The following TTBK1 variants were observed in gnomAD, a reference collection of about 807,000 sequenced individuals.
TTBK1 encodes the protein tau tubulin kinase 1.
Under a neutral mutation model 108.5 loss-of-function variants are expected in TTBK1, and 34 were observed. That is an observed-to-expected ratio of 0.31 (90% CI 0.24 to 0.42). TTBK1 has a LOEUF of 0.42. Among genes scored for constraint, TTBK1 ranks in the 10% least tolerant of loss-of-function variants. The probability of loss-of-function intolerance (pLI) is 1.00; values close to 1 mark genes in which losing one functional copy is unlikely to be tolerated. For missense variants in TTBK1, 1,539 were observed against 1,826.0 expected, an observed-to-expected ratio of 0.84 and a Z score of 2.86; for synonymous variants, 809 against 795.1, an observed-to-expected ratio of 1.02 and a Z score of -0.29.
At chr6:43,279,811 C>A (rs947331868) in intron 13 of TTBK1, among the ~76,000 whole-genome samples, 1 of 151,994 alleles carries the variant, frequency 6.6e-6, no homozygotes, top group East Asian at 1.9e-4. Flanking sequence ...CGTTCTGTTG[C>A]CCAGGCTGGA....
chr6:43,245,089 C>A (rs568519631), intron 1 of TTBK1, among the ~76,000 whole-genome samples: 233 of 152,294 alleles, frequency 1.5e-3, no homozygotes, highest in Middle Eastern at 6.8e-3. Context: ...CATGGCCCAT[C>A]ATGAATTAGA....
At chr6:43,272,068 C>T in intron 13 of TTBK1, 1 of 985,512 alleles carries the variant, frequency 1.0e-6, no homozygotes, top group Non-Finnish European at 1.2e-6. Context: ...CCCCACTCCC[C>T]TCCTGCTGGC....
Position 43,259,319 on chromosome 6 carries a change from G to A in TTBK1, c.1248+50G>A, listed in dbSNP as rs757816058. On this transcript the variant is annotated intron_variant, in intron 11 of 14. Coordinates refer to ENST00000259750, the MANE Select transcript of TTBK1 (RefSeq NM_032538.3). The surrounding 1 kb of genome is among the most constrained non-coding windows in gnomAD (Gnocchi z 6.7). ...GTGGGTGGCCTTTTCTCTCACCCCCGATTCCCAGCCTTGTGCCCCTGCCCT... is the reference window on the plus strand; with the variant it reads ...GTGGGTGGCCTTTTCTCTCACCCCCAATTCCCAGCCTTGTGCCCCTGCCCT... 7.8e-5 allele frequency: 114 copies of A among 1,460,202 alleles called. No individual in the cohort carries two copies. Among genetic ancestry groups the A allele is most frequent in the African/African-American group, 7.1e-4 (50 of 70,662 alleles). 90.5% of individuals were successfully genotyped at this position (1,460,202 alleles called of 1,614,324 possible).
Position 43,253,202 on chromosome 6 carries a change from G to A in TTBK1, c.257-89G>A. 2 of 1,419,288 alleles carry A rather than the reference G, an allele frequency of 1.4e-6. No homozygotes were observed. The highest frequency in any genetic ancestry group is 2.0e-6 in the Non-Finnish European group (2 of 1,004,362). 87.9% of individuals were successfully genotyped at this position (1,419,288 alleles called of 1,614,324 possible). On this transcript the variant is annotated intron_variant, in intron 3 of 14. Transcript: ENST00000259750. This position sits in a 1 kb window ranked among gnomAD's most constrained non-coding sequence, Gnocchi z 5.8. ...CACAGGGCCAGCACTGGAGGGACCA[G>A]GAATCAAGAGTGCACTAGGAACCCA...
intron 13 of TTBK1, among the ~76,000 whole-genome samples, chr6:43,264,607 A>AG (rs1169737054): frequency 6.6e-6 from 1 of 152,114 alleles, no homozygotes; most frequent in Non-Finnish European, 1.5e-5. Flanking sequence ...AGGGGGAATG[A>AG]GAGGAGAAGG....
At chr6:43,284,384 G>GAACCAAGGTGAGGGGCTTCTCCAT in intron 14 of TTBK1, 72 bp downstream of exon 14, 2 of 1,477,088 alleles carry the variant, frequency 1.4e-6, no homozygotes, top group Non-Finnish European at 8.9e-7. Flanking sequence ...GGCTTCTCCA[G>GAACCAAGGTGAGGGGCTTCTCCAT]AACCAAGGTC....
Position 43,271,012 on chromosome 6 carries a change from G to C in TTBK1, c.1986+7662G>C, listed in dbSNP as rs1406474558. The stretch of plus-strand genomic sequence containing the variant: ...GATCTGGACACTTGGGAGTGGGGAA[G>C]TGTCAGGATGCCAGCTTGCGCCTGC... On this transcript the variant is annotated intron_variant, in intron 13 of 14. Coordinates refer to ENST00000259750, the MANE Select transcript of TTBK1 (RefSeq NM_032538.3). 7.1e-6 allele frequency: 7 copies of C among 985,352 alleles called. No homozygotes were observed. In the South Asian group the frequency reaches 2.3e-4, roughly 33 times the overall value. 61.0% of individuals were successfully genotyped at this position (985,352 alleles called of 1,614,324 possible). A position where few individuals can be genotyped will look rare whatever the true frequency, so the allele number is the denominator to read the frequency against.
intron 10 of TTBK1, among the ~76,000 whole-genome samples, chr6:43,258,764 C>G (rs994963763): frequency 2.0e-5 from 3 of 152,242 alleles, no homozygotes; most frequent in Non-Finnish European, 2.9e-5. Flanking sequence ...CAATGGAAAT[C>G]TGGCAGGTCC....
chr6:43,253,350 G>A lies in TTBK1; in HGVS notation c.316G>A (p.Val106Met), dbSNP rs751070642. Residue 106 changes from valine (V) to methionine (M), a missense_variant, in exon 4 of 15, where the codon GTG becomes ATG. This residue lies in a region of TTBK1 where 155 missense variants were observed against 348.5 expected (regional missense o/e 0.44). Transcript: ENST00000259750. The surrounding 1 kb of genome is among the most constrained non-coding windows in gnomAD (Gnocchi z 5.8). ...CAGGAACGAGAAGTTTAACTATGTA[G>A]TGATGCAGCTCCAGGTGAGTCCCCG... ...CGRNEKFNYV[V>M]MQLQGRNLAD... The A allele has an allele frequency of 1.9e-6, 3 of 1,614,158 alleles. No homozygotes were observed. The highest frequency in any genetic ancestry group is 2.5e-6 in the Non-Finnish European group (3 of 1,180,014).
At position 43,253,531 on chromosome 6, in the gene TTBK1, G is replaced by A. The variant is rs373953596; in HGVS notation, c.331-37G>A. 6.9e-6 allele frequency: 11 copies of A among 1,589,480 alleles called. No homozygotes were observed. Among genetic ancestry groups the A allele is most frequent in the Non-Finnish European group, 7.7e-6 (9 of 1,167,520 alleles). ...AATGATGGTGTCTGGGATGATGGCT[G>A]AGGGTGAGTCTACCCCCCACCTCCA... On this transcript the variant is annotated intron_variant, in intron 4 of 14. Coordinates refer to ENST00000259750, the MANE Select transcript of TTBK1 (RefSeq NM_032538.3). The surrounding 1 kb of genome is among the most constrained non-coding windows in gnomAD (Gnocchi z 5.8).
intron 2 of TTBK1, among the ~76,000 whole-genome samples, chr6:43,251,702 GGGGAGACGAGA>G (rs1174154746): frequency 2.6e-5 from 4 of 152,176 alleles, no homozygotes; most frequent in Non-Finnish European, 5.9e-5. Flanking sequence ...AGGCTGGAGG[GGGGAGACGAGA>G]GGGTCAGACC....
At position 43,259,095 on chromosome 6, in the gene TTBK1, G is replaced by T. The variant is rs1235280602; in HGVS notation, c.1074G>T (p.Val358=). Residue 358 remains valine (V), a synonymous_variant, in exon 11 of 15, where the codon GTG becomes GTT. Coordinates refer to ENST00000259750, the MANE Select transcript of TTBK1 (RefSeq NM_032538.3). This position sits in a 1 kb window ranked among gnomAD's most constrained non-coding sequence, Gnocchi z 6.7. ...TGCTCCGGGAGAACACCGAGGATGTGCTACAGGGAGAGCACCTGAGTGACC... is the reference window on the plus strand; with the variant it reads ...TGCTCCGGGAGAACACCGAGGATGTTCTACAGGGAGAGCACCTGAGTGACC... ...GDLLRENTED[V]LQGEHLSDQE... 6.2e-7 allele frequency: 1 copy of T among 1,614,142 alleles called. No individual in the cohort carries two copies. The highest frequency in any genetic ancestry group is 8.5e-7 in the Non-Finnish European group (1 of 1,179,992).
intron 13 of TTBK1, chr6:43,270,109 G>C: frequency 1.4e-6 from 2 of 1,386,752 alleles, no homozygotes; most frequent in African/African-American, 1.5e-5. Flanking sequence ...CCAAGGTACT[G>C]TAATACTCCC....
intron 13 of TTBK1, among the ~76,000 whole-genome samples, chr6:43,275,938 G>T (rs1391615688): frequency 6.6e-6 from 1 of 152,114 alleles, no homozygotes; most frequent in East Asian, 1.9e-4. Context: ...AGTGTCGAGC[G>T]AGGAGAGGGG....
chr6:43,251,400 C>G (rs372464036), intron 2 of TTBK1, among the ~76,000 whole-genome samples: 1 of 152,334 alleles, frequency 6.6e-6, no homozygotes, highest in East Asian at 1.9e-4. Context: ...GGCAGCTCCC[C>G]GAGGGGGTGA....
At position 43,269,550 on chromosome 6, in the gene TTBK1, G is replaced by A. The variant is rs1265563837; in HGVS notation, c.1986+6200G>A. On this transcript the variant is annotated intron_variant, in intron 13 of 14. Coordinates refer to ENST00000259750, the MANE Select transcript of TTBK1 (RefSeq NM_032538.3). This position sits in a 1 kb window ranked among gnomAD's most constrained non-coding sequence, Gnocchi z 4.8. ...CCCACTTGCCCGGGACGCCGGCGCCGCAGGGGCTGTGAGCGGTGGGTGGCC... is the reference window on the plus strand; with the variant it reads ...CCCACTTGCCCGGGACGCCGGCGCCACAGGGGCTGTGAGCGGTGGGTGGCC... 8 of 1,366,700 alleles carry A rather than the reference G, an allele frequency of 5.9e-6. No individual in the cohort carries two copies. The East Asian group carries it at 1.1e-4, about 19-fold the overall frequency. 84.7% of individuals were successfully genotyped at this position (1,366,700 alleles called of 1,614,324 possible). A position where few individuals can be genotyped will look rare whatever the true frequency, so the allele number is the denominator to read the frequency against.
At chr6:43,277,916 A>C (rs994760657) in intron 13 of TTBK1, among the ~76,000 whole-genome samples, 1 of 152,164 alleles carries the variant, frequency 6.6e-6, no homozygotes, top group African/African-American at 2.4e-5. Context: ...AGTTTCTGAG[A>C]GAGGAGGAGG....
chr6:43,268,703 C>A (rs559830338), intron 13 of TTBK1, among the ~76,000 whole-genome samples: 3 of 152,352 alleles, frequency 2.0e-5, no homozygotes, highest in South Asian at 4.1e-4. Context: ...GAGCAGGATT[C>A]TTCCAGAAGG....
rs776421444 is a variant in TTBK1, at chr6:43,276,998, G to C, written c.1987-5729G>C. 2.0e-5 allele frequency among the ~76,000 whole-genome samples: 3 copies of C among 152,210 alleles called. No individual in the cohort carries two copies. The highest frequency in any genetic ancestry group is 2.0e-4 in the Admixed American group (3 of 15,286). On this transcript the variant is annotated intron_variant, in intron 13 of 14. Coordinates refer to ENST00000259750, the MANE Select transcript of TTBK1 (RefSeq NM_032538.3). The surrounding 1 kb of genome is among the most constrained non-coding windows in gnomAD (Gnocchi z 5.4). ...TCAGCTCCAAATTGCCAACTTCCGGGTGGGGATGGAGGGTGTGTAGAAGTA... is the reference window on the plus strand; with the variant it reads ...TCAGCTCCAAATTGCCAACTTCCGGCTGGGGATGGAGGGTGTGTAGAAGTA...
Sources: gnomAD v4.1 joint callset for allele counts (sites outside exome capture counted in the v4.1 genomes callset) on GRCh38, gnomAD v4.1.1 for gene constraint, gnomAD v4.1.1 regional missense constraint, Gnocchi (gnomAD v3.1) non-coding constraint, MANE v1.5 for transcripts, NCBI Gene and HGNC (gene_info 2026-07-23, HGNC 2026-07-21) for gene names.